Variants in OTUD7B observed in about 807,000 individuals in gnomAD.
OTUD7B encodes the protein OTU deubiquitinase 7B.
OTUD7B carries 34 observed loss-of-function variants against 82.2 expected under a neutral mutation model. The ratio of observed to expected loss-of-function variants is 0.41; its 90% CI spans 0.31 to 0.55. OTUD7B has a LOEUF of 0.55. Among genes scored for constraint, OTUD7B ranks in the 20% least tolerant of loss-of-function variants. The probability of loss-of-function intolerance (pLI) is 0.20; values close to 1 mark genes in which losing one functional copy is unlikely to be tolerated. For synonymous variants in OTUD7B, 398 were observed against 402.7 expected, an observed-to-expected ratio of 0.99 and a Z score of 0.14; for missense variants, 944 against 1,062.1, an observed-to-expected ratio of 0.89 and a Z score of 1.55.
the OTUD7B span, among the ~76,000 whole-genome samples, chr1:150,038,872 T>C: frequency 1.3e-5 from 2 of 152,206 alleles, no homozygotes; most frequent in Non-Finnish European, 2.9e-5. Flanking sequence ...AATTAACTCA[T>C]CTATAATTCT....
chr1:149,974,739 G>A (rs1241047365), intron 2 of OTUD7B, among the ~76,000 whole-genome samples: 3 of 151,334 alleles, frequency 2.0e-5, no homozygotes, highest in African/African-American at 4.9e-5. Flanking sequence ...TAGTAGAAAC[G>A]GGGTTTCACC....
chr1:150,018,606 A>G, the OTUD7B span, among the ~76,000 whole-genome samples: 1 of 152,210 alleles, frequency 6.6e-6, no homozygotes, highest in Non-Finnish European at 1.5e-5. Context: ...CTAAGCACCC[A>G]CTATGTGTAA....
intron 9 of OTUD7B, among the ~76,000 whole-genome samples, chr1:149,949,325 T>C (rs587730895): frequency 6.6e-6 from 1 of 152,322 alleles, no homozygotes; most frequent in East Asian, 1.9e-4. Context: ...CATGATGTTC[T>C]TTCCAGTTAA....
chr1:150,027,168 G>A, the OTUD7B span, among the ~76,000 whole-genome samples: 18 of 152,216 alleles, frequency 1.2e-4, no homozygotes, highest in East Asian at 3.9e-4. Context: ...ATCACCTACC[G>A]AACCTAGCAC....
chr1:149,973,081 T>C (rs1318056765), intron 2 of OTUD7B, among the ~76,000 whole-genome samples: 1 of 152,222 alleles, frequency 6.6e-6, no homozygotes, highest in Non-Finnish European at 1.5e-5. Context: ...CCATTTCTTA[T>C]TATCCATTTT....
the OTUD7B span, among the ~76,000 whole-genome samples, chr1:150,048,759 A>G: frequency 6.6e-6 from 1 of 152,066 alleles, no homozygotes; most frequent in East Asian, 1.9e-4. Context: ...AACAAAGAAA[A>G]TGATTTCCAT....
chr1:150,024,746 T>C, the OTUD7B span, among the ~76,000 whole-genome samples: 1 of 152,146 alleles, frequency 6.6e-6, no homozygotes, highest in East Asian at 1.9e-4. Context: ...TTCAGTGAAG[T>C]TTTAGAAAAC....
At chr1:150,029,035 T>TG in the OTUD7B span, among the ~76,000 whole-genome samples, 1 of 152,210 alleles carries the variant, frequency 6.6e-6, no homozygotes, top group Non-Finnish European at 1.5e-5. Context: ...GATGAACATT[T>TG]GGTGAACTGT....
rs189432630 is a variant in OTUD7B, at chr1:149,965,731, C to T, written c.604+46G>A. Reference sequence around the variant, plus strand: ...GTCCTACACATGAGATTTGACTCAACTGCTTCCTTTCTGCAGGTGAATGGA... The same window carrying T: ...GTCCTACACATGAGATTTGACTCAATTGCTTCCTTTCTGCAGGTGAATGGA... On this transcript the variant is annotated intron_variant, in intron 5 of 11. Coordinates refer to ENST00000581312, the MANE Select transcript of OTUD7B (RefSeq NM_020205.4). 3.8e-5 allele frequency: 53 copies of T among 1,378,980 alleles called. No homozygotes were observed. The Admixed American group carries it at 8.2e-4, about 21-fold the overall frequency. 85.4% of individuals were successfully genotyped at this position (1,378,980 alleles called of 1,614,324 possible).
At chr1:149,957,136 C>CCCACTTGAGGAGGCAG (rs1559833980) in intron 7 of OTUD7B, among the ~76,000 whole-genome samples, 4 of 151,902 alleles carry the variant, frequency 2.6e-5, no homozygotes, top group African/African-American at 7.3e-5. Context: ...GAATTTTCAG[C>CCCACTTGAGGAGGCAG]TTTTCTGCTC....
chr1:149,998,846 T>C (rs1571724421), intron 1 of OTUD7B, among the ~76,000 whole-genome samples: 1 of 152,244 alleles, frequency 6.6e-6, no homozygotes, highest in African/African-American at 2.4e-5. Flanking sequence ...CTCATTTTCC[T>C]CACCTAGAAA....
chr1:149,955,188 A>G (rs1648575502), intron 7 of OTUD7B, among the ~76,000 whole-genome samples: 1 of 152,054 alleles, frequency 6.6e-6, no homozygotes, highest in South Asian at 2.1e-4. Flanking sequence ...TAGTGCTATA[A>G]ATTTCCCTCT....
chr1:149,967,405 G>A lies in OTUD7B; in HGVS notation c.391C>T (p.Pro131Ser), dbSNP rs2101823029. 6.2e-7 allele frequency: 1 copy of A among 1,614,050 alleles called. No individual in the cohort carries two copies. The highest frequency in any genetic ancestry group is 2.2e-5 in the East Asian group (1 of 44,882). ...TCTGGAAGCTGGAAGGCACAGATGG[G>A]CATTTCCAGGGGGTGCTCATTGCTC... is the stretch of plus-strand genomic sequence containing the variant. ...GGSNEHPLEM[P>S]ICAFQLPDLT... The change falls in exon 4 of 12, where the codon CCC becomes TCC. Residue 131 changes from proline to serine, a missense_variant. Pro to Ser is a moderately conservative substitution (Grantham distance 74, BLOSUM62 -1). Coordinates refer to ENST00000581312, the MANE Select transcript of OTUD7B (RefSeq NM_020205.4).
intron 7 of OTUD7B, among the ~76,000 whole-genome samples, chr1:149,952,901 T>C (rs1648372772): frequency 6.6e-6 from 1 of 152,210 alleles, no homozygotes; most frequent in Admixed American, 6.5e-5. Flanking sequence ...TGGGGTTGAT[T>C]TTTTCTTATA....
intron 1 of OTUD7B, among the ~76,000 whole-genome samples, chr1:149,990,812 T>C (rs1651514591): frequency 6.6e-6 from 1 of 151,960 alleles, no homozygotes; most frequent in East Asian, 1.9e-4. Flanking sequence ...CCTAACATAG[T>C]GAAACCCCGT....
chr1:149,982,571 C>T (rs587761554), intron 1 of OTUD7B, among the ~76,000 whole-genome samples: 4 of 151,382 alleles, frequency 2.6e-5, no homozygotes, highest in East Asian at 2.0e-4. Flanking sequence ...GCAGTCCTCC[C>T]ACCTCAGCCT....
At chr1:150,037,558 G>A in the OTUD7B span, among the ~76,000 whole-genome samples, 1 of 152,020 alleles carries the variant, frequency 6.6e-6, no homozygotes, top group Non-Finnish European at 1.5e-5. Flanking sequence ...GGACAGTATT[G>A]TTCTCTCACT....
chr1:149,985,145 T>C (rs1254281306), intron 1 of OTUD7B, among the ~76,000 whole-genome samples: 3 of 152,174 alleles, frequency 2.0e-5, no homozygotes, highest in Admixed American at 6.5e-5. Flanking sequence ...CAGTGGCTCA[T>C]ACCTGTAATC....
At chr1:149,997,784 T>C (rs1652014382) in intron 1 of OTUD7B, among the ~76,000 whole-genome samples, 1 of 152,106 alleles carries the variant, frequency 6.6e-6, no homozygotes, top group Non-Finnish European at 1.5e-5. Flanking sequence ...CATAATGTGG[T>C]CTTCAACTTC....
Sources: allele counts gnomAD v4.1 joint callset (sites outside exome capture counted in the v4.1 genomes callset), GRCh38; gene constraint gnomAD v4.1.1; transcripts MANE v1.5; gene names NCBI Gene and HGNC (gene_info 2026-07-23, HGNC 2026-07-21).